Variants in PPP3CA observed in about 807,000 individuals in gnomAD.
The protein encoded by PPP3CA is CAM-PRP catalytic subunit.
Under a neutral mutation model 66.5 loss-of-function variants are expected in PPP3CA, and 14 were observed. The ratio of observed to expected loss-of-function variants is 0.21; its 90% CI spans 0.14 to 0.33. The LOEUF (loss-of-function observed/expected upper bound fraction) is 0.33. Ranked by LOEUF, PPP3CA falls within the 10% of genes least tolerant of loss-of-function variation. The pLI, the probability that PPP3CA is intolerant of heterozygous loss-of-function variation, is 1.00. For missense variants in PPP3CA, 317 were observed against 639.5 expected, an observed-to-expected ratio of 0.50 and a Z score of 5.44; for synonymous variants, 232 against 226.2, an observed-to-expected ratio of 1.03 and a Z score of -0.23.
At chr4:101,282,079 C>T in intron 1 of PPP3CA, among the ~76,000 whole-genome samples, 1 of 152,178 alleles carries the variant, frequency 6.6e-6, no homozygotes, top group Non-Finnish European at 1.5e-5. Flanking sequence ...AATATATTAT[C>T]TTCGCATCTA....
chr4:101,342,062 G>A (rs541709850), intron 1 of PPP3CA, among the ~76,000 whole-genome samples: 1 of 152,142 alleles, frequency 6.6e-6, no homozygotes, highest in South Asian at 2.1e-4. Flanking sequence ...AGTTATAAAT[G>A]AATGGTCTAT....
At chr4:101,337,269 A>T (rs1729661831) in intron 1 of PPP3CA, among the ~76,000 whole-genome samples, 1 of 152,216 alleles carries the variant, frequency 6.6e-6, no homozygotes, top group Non-Finnish European at 1.5e-5. Context: ...GGTGATGAAC[A>T]ACTTCTGAGT....
chr4:101,108,248 C>T (rs1721504967), intron 3 of PPP3CA: 2 of 152,294 alleles, frequency 1.3e-5, no homozygotes, highest in East Asian at 1.9e-4. Context: ...GAGACACATG[C>T]AGTTTGCTAT....
At chr4:101,243,320 A>G (rs961856758) in intron 1 of PPP3CA, among the ~76,000 whole-genome samples, 3 of 152,202 alleles carry the variant, frequency 2.0e-5, no homozygotes, top group African/African-American at 7.2e-5. Flanking sequence ...CTAAGGATAT[A>G]GAACATATTG....
intron 1 of PPP3CA, among the ~76,000 whole-genome samples, chr4:101,275,946 G>C (rs1256315283): frequency 6.6e-6 from 1 of 151,584 alleles, no homozygotes; most frequent in Non-Finnish European, 1.5e-5. Context: ...GCCCAGACTG[G>C]AGTGCTGTGG....
chr4:101,264,674 C>T (rs899113007), intron 1 of PPP3CA, among the ~76,000 whole-genome samples: 5 of 152,188 alleles, frequency 3.3e-5, no homozygotes, highest in African/African-American at 9.7e-5. Flanking sequence ...CCCAGTTGCA[C>T]AGTGACCTTC....
At chr4:101,117,317 C>A (rs1460664438) in intron 2 of PPP3CA, among the ~76,000 whole-genome samples, 1 of 151,732 alleles carries the variant, frequency 6.6e-6, no homozygotes, top group Non-Finnish European at 1.5e-5. Context: ...ACTATTTTAT[C>A]AAAGGCCCAA....
intron 1 of PPP3CA, among the ~76,000 whole-genome samples, chr4:101,229,897 G>T (rs3804393): frequency 0.67 from 101,324 of 151,302 alleles, 34,827 homozygotes; most frequent in Middle Eastern, 0.76. Flanking sequence ...AAAAAAATTG[G>T]GAAAGGATAG....
intron 1 of PPP3CA, among the ~76,000 whole-genome samples, chr4:101,225,406 A>T (rs1413959754): frequency 2.0e-5 from 3 of 151,870 alleles, no homozygotes. Context: ...AATAAAGCCT[A>T]AAAAAAGTCT....
chr4:101,137,470 A>G (rs1722659039), intron 2 of PPP3CA, among the ~76,000 whole-genome samples: 1 of 152,030 alleles, frequency 6.6e-6, no homozygotes, highest in Admixed American at 6.6e-5. Context: ...GAGAACGCAA[A>G]TAAACCTGTC....
At chr4:101,053,824 A>G (rs956465565) in intron 10 of PPP3CA, among the ~76,000 whole-genome samples, 1 of 152,126 alleles carries the variant, frequency 6.6e-6, no homozygotes. Context: ...AGTCCTCGGA[A>G]AGGTCTTTTG....
intron 8 of PPP3CA, among the ~76,000 whole-genome samples, chr4:101,079,007 C>G (rs993287443): frequency 6.6e-6 from 1 of 152,212 alleles, no homozygotes; most frequent in Non-Finnish European, 1.5e-5. Context: ...TAACCATGCT[C>G]CTTCACTATA....
intron 1 of PPP3CA, among the ~76,000 whole-genome samples, chr4:101,345,614 T>C (rs1032734869): frequency 3.9e-5 from 6 of 152,164 alleles, no homozygotes; most frequent in Admixed American, 2.6e-4. Context: ...TTCTGCTCTG[T>C]TGCCTCAGCC....
intron 1 of PPP3CA, among the ~76,000 whole-genome samples, chr4:101,340,063 A>G (rs1050106496): frequency 3.3e-5 from 5 of 152,334 alleles, no homozygotes; most frequent in Non-Finnish European, 7.4e-5. Context: ...AACATCAACC[A>G]TCATTCTTCC....
At position 101,048,041 on chromosome 4, in the gene PPP3CA, C is replaced by G. The variant is rs368933334; in HGVS notation, c.1157-7475G>C. Reference sequence around the variant, plus strand: ...ATTGCTCCCTTGATTAAGGAGACTTCCTAGACACTAAGTTTTCCAATGTCT... The same window carrying G: ...ATTGCTCCCTTGATTAAGGAGACTTGCTAGACACTAAGTTTTCCAATGTCT... On this transcript the variant is annotated intron_variant, in intron 10 of 13. Transcript: ENST00000394854. Among the ~76,000 whole-genome samples, 20 of 152,138 alleles carry G rather than the reference C, an allele frequency of 1.3e-4. No individual in the cohort carries two copies. In the East Asian group the frequency reaches 1.5e-3, roughly 12 times the overall value.
intron 2 of PPP3CA, among the ~76,000 whole-genome samples, chr4:101,159,352 T>C (rs1723426695): frequency 6.6e-6 from 1 of 152,100 alleles, no homozygotes; most frequent in African/African-American, 2.4e-5. Flanking sequence ...CCTTACCCCA[T>C]ACCTGCCCAC....
At chr4:101,261,942 C>T (rs1727022218) in intron 1 of PPP3CA, among the ~76,000 whole-genome samples, 1 of 151,646 alleles carries the variant, frequency 6.6e-6, no homozygotes, top group Non-Finnish European at 1.5e-5. Flanking sequence ...TCTATTCTAA[C>T]TACTCATATT....
At chr4:101,166,696 G>T (rs1412174635) in intron 2 of PPP3CA, among the ~76,000 whole-genome samples, 1 of 152,096 alleles carries the variant, frequency 6.6e-6, no homozygotes. Flanking sequence ...GCCAATATTT[G>T]AAAAGTATTT....
At chr4:101,217,279 G>C (rs1202273782) in intron 1 of PPP3CA, among the ~76,000 whole-genome samples, 3 of 152,100 alleles carry the variant, frequency 2.0e-5, no homozygotes, top group Admixed American at 6.6e-5. Context: ...TTAAGAAAAA[G>C]AGGTTAAATA....
Sources: allele counts gnomAD v4.1 joint callset (sites outside exome capture counted in the v4.1 genomes callset), GRCh38; gene constraint gnomAD v4.1.1; transcripts MANE v1.5; gene names NCBI Gene and HGNC (gene_info 2026-07-23, HGNC 2026-07-21).